Variants in PTK2B observed in about 807,000 individuals in gnomAD.
PTK2B encodes the protein protein tyrosine kinase 2 beta, also known as protein-tyrosine kinase 2-beta.
A neutral mutation model predicts 142.9 loss-of-function variants in PTK2B; 71 were observed. The ratio of observed to expected loss-of-function variants is 0.50; its 90% confidence interval spans 0.41 to 0.61. PTK2B has a LOEUF of 0.61. Ranked by LOEUF, PTK2B falls within the 20% of genes least tolerant of loss-of-function variation. PTK2B has a pLI of 0.00. For missense variants in PTK2B, 1,105 were observed against 1,320.4 expected (o/e 0.84, Z 2.53); for synonymous variants, 519 against 503.4 (o/e 1.03, Z -0.42).
intron 2 of PTK2B, 73 bp from the exon 3 acceptor site, chr8:27,419,822 C>A: frequency 6.6e-7 from 1 of 1,514,850 alleles, no homozygotes; most frequent in Non-Finnish European, 9.0e-7. Flanking sequence ...TCCCACTTTT[C>A]AGGTCTGTGT....
chr8:27,397,896 G>A, intron 2 of PTK2B, 108 bp downstream of exon 2: 1 of 1,308,266 alleles, frequency 7.6e-7, no homozygotes. Context: ...CCACCCCTGG[G>A]TGGAAGAGGT....
At position 27,439,320 on chromosome 8, in the gene PTK2B, C is replaced by T; in HGVS notation, c.1756C>T (p.Arg586Cys). The T allele has an allele frequency of 1.2e-6, 2 of 1,613,784 alleles. No individual in the cohort carries two copies. Among genetic ancestry groups the T allele is most frequent in the South Asian group, 1.1e-5 (1 of 91,080 alleles). ...TTGCCCACCCAAAGCCTCTGTGACT[C>T]GTCTCCCCATCAAATGGATGTCCCC... ...DEDYYKASVT[R>C]LPIKWMSPES... Residue 586 changes from arginine to cysteine, a missense_variant, in exon 20 of 31, where the codon CGT becomes TGT. Arg to Cys is a radical substitution (Grantham distance 180, BLOSUM62 -3). Transcript: ENST00000346049.
At chr8:27,428,958 C>T (rs1341572755) in intron 5 of PTK2B, among the ~76,000 whole-genome samples, 1 of 152,148 alleles carries the variant, frequency 6.6e-6, no homozygotes, top group East Asian at 1.9e-4. Flanking sequence ...TCACTCTTGT[C>T]ACCCATGCTG....
intron 1 of PTK2B, among the ~76,000 whole-genome samples, chr8:27,335,831 G>A (rs542880497): frequency 5.9e-5 from 9 of 151,750 alleles, no homozygotes; most frequent in African/African-American, 1.9e-4. Flanking sequence ...GTGCAATCAG[G>A]GGGTGTGGGG....
intron 2 of PTK2B, among the ~76,000 whole-genome samples, chr8:27,405,371 C>T (rs1808649558): frequency 6.6e-6 from 1 of 152,088 alleles, no homozygotes; most frequent in Non-Finnish European, 1.5e-5. Flanking sequence ...GAGTAGGGCC[C>T]AAGGTCACAG....
At chr8:27,382,300 A>T (rs1351760284) in intron 1 of PTK2B, among the ~76,000 whole-genome samples, 1 of 152,122 alleles carries the variant, frequency 6.6e-6, no homozygotes, top group African/African-American at 2.4e-5. Flanking sequence ...ATTAAAAAAA[A>T]ATTATTATTA....
At chr8:27,432,146 A>G (rs1013638295) in intron 9 of PTK2B, 114 bp from the exon 10 acceptor site, 3 of 855,658 alleles carry the variant, frequency 3.5e-6, no homozygotes, top group African/African-American at 3.4e-5. Flanking sequence ...TTCTCTCTTC[A>G]TCTCCCAGAG....
chr8:27,346,479 G>C (rs918817944), intron 1 of PTK2B, among the ~76,000 whole-genome samples: 1 of 152,246 alleles, frequency 6.6e-6, no homozygotes, highest in Non-Finnish European at 1.5e-5. Context: ...CCTGGAGGTT[G>C]AGGCTACAGT....
intron 1 of PTK2B, among the ~76,000 whole-genome samples, chr8:27,342,636 C>A (rs1262530853): frequency 6.6e-6 from 1 of 152,178 alleles, no homozygotes; most frequent in Non-Finnish European, 1.5e-5. Context: ...GAACCCTCCC[C>A]CTGTGTCACC....
chr8:27,438,949 TC>T (rs1810974060), intron 18 of PTK2B, 81 bp from the exon 19 acceptor site: 4 of 1,304,310 alleles, frequency 3.1e-6, no homozygotes, highest in Non-Finnish European at 4.4e-6. Context: ...GGTCTCTTTT[TC>T]CATCTGTCTG....
At chr8:27,331,676 G>A (rs1328780623) in intron 1 of PTK2B, among the ~76,000 whole-genome samples, 10 of 129,746 alleles carry the variant, frequency 7.7e-5, no homozygotes, top group African/African-American at 2.2e-4. Flanking sequence ...TAGTAGAAAC[G>A]GGGTTTCACC....
chr8:27,313,863 C>T (rs1044423318), intron 3 of PTK2B, among the ~76,000 whole-genome samples: 1 of 152,204 alleles, frequency 6.6e-6, no homozygotes, highest in African/African-American at 2.4e-5. Flanking sequence ...CAATTAACAT[C>T]AAGTAACACT....
At chr8:27,437,605 A>G in intron 17 of PTK2B, 109 bp downstream of exon 17, 2 of 1,206,386 alleles carry the variant, frequency 1.7e-6, no homozygotes, top group Non-Finnish European at 2.4e-6. Flanking sequence ...GAAATAAGCC[A>G]GAGGCCCTGT....
intron 1 of PTK2B, among the ~76,000 whole-genome samples, chr8:27,340,545 C>T (rs1000403263): frequency 3.3e-5 from 5 of 152,172 alleles, no homozygotes; most frequent in African/African-American, 4.8e-5. Flanking sequence ...CATCATTCTC[C>T]GGTGACAGGA....
chr8:27,443,574 T>C (rs1363467643), intron 22 of PTK2B, among the ~76,000 whole-genome samples: 1 of 152,126 alleles, frequency 6.6e-6, no homozygotes, highest in African/African-American at 2.4e-5. Context: ...TCACTGTGTT[T>C]TTACCTGGCA....
At chr8:27,379,753 G>T (rs1806900470) in intron 1 of PTK2B, among the ~76,000 whole-genome samples, 1 of 152,100 alleles carries the variant, frequency 6.6e-6, no homozygotes, top group Non-Finnish European at 1.5e-5. Context: ...GGAAAAATCT[G>T]TGCATTTTAT....
chr8:27,330,664 C>T (rs557937664), intron 1 of PTK2B, among the ~76,000 whole-genome samples: 4 of 152,110 alleles, frequency 2.6e-5, no homozygotes, highest in South Asian at 4.1e-4. Flanking sequence ...TTTTGAGTCA[C>T]TCTGCTATTT....
At chr8:27,441,733 G>A (rs1811167453) in intron 21 of PTK2B, among the ~76,000 whole-genome samples, 1 of 152,222 alleles carries the variant, frequency 6.6e-6, no homozygotes, top group Non-Finnish European at 1.5e-5. Flanking sequence ...TGTATGGGAG[G>A]TTTGAGAAGT....
At position 27,430,086 on chromosome 8, in the gene PTK2B, T is replaced by G. The variant is rs1460358305; in HGVS notation, c.552-7T>G. ...TCAGCCTCCCTCTCCACCACCTATTTCTCCAGGCGGTTCTTCAAGGATATG... is the reference window on the plus strand; with the variant it reads ...TCAGCCTCCCTCTCCACCACCTATTGCTCCAGGCGGTTCTTCAAGGATATG... On this transcript the variant is annotated splice_region_variant and splice_polypyrimidine_tract_variant and intron_variant, in intron 5 of 30. Coordinates refer to ENST00000346049, the MANE Select transcript of PTK2B (RefSeq NM_173176.3). The G allele has an allele frequency of 2.7e-5, 44 of 1,612,684 alleles. No homozygotes were observed. Among genetic ancestry groups the G allele is most frequent in the Non-Finnish European group, 3.7e-5 (44 of 1,178,878 alleles).
Sources: gnomAD v4.1 joint callset for allele counts (sites outside exome capture counted in the v4.1 genomes callset) on GRCh38, gnomAD v4.1.1 for gene constraint, MANE v1.5 for transcripts, NCBI Gene and HGNC (gene_info 2026-07-23, HGNC 2026-07-21) for gene names.